The following ORC4 variants were observed in gnomAD, a reference collection of about 807,000 sequenced individuals.
ORC4 encodes the protein origin recognition complex subunit 4, also known as origin recognition complex, subunit 4 homolog.
A neutral mutation model predicts 63.9 loss-of-function variants in ORC4; 55 were observed. That is an observed-to-expected ratio of 0.86 (90% CI 0.69 to 1.08). ORC4 has a LOEUF of 1.08. Ranked by LOEUF, ORC4 falls within the 50% of genes least tolerant of loss-of-function variation. ORC4 has a pLI of 0.00. For missense variants in ORC4, 511 were observed against 504.4 expected (o/e 1.01, Z -0.13); for synonymous variants, 150 against 168.5 (o/e 0.89, Z 0.85).
intron 4 of ORC4, among the ~76,000 whole-genome samples, chr2:147,965,282 T>C (rs1689835594): frequency 6.6e-6 from 1 of 152,014 alleles, no homozygotes; most frequent in Non-Finnish European, 1.5e-5. Flanking sequence ...GGGTAAGTCC[T>C]CACTTATCAA....
At chr2:147,952,675 G>A (rs1379744292) in intron 7 of ORC4, 151 bp from the exon 8 acceptor site, 7 of 652,638 alleles carry the variant, frequency 1.1e-5, no homozygotes, top group Admixed American at 2.7e-5. Flanking sequence ...ATGCATATAC[G>A]TTCATTCAAC....
chr2:147,945,638 T>A (rs2105279001), intron 9 of ORC4, among the ~76,000 whole-genome samples: 1 of 152,218 alleles, frequency 6.6e-6, no homozygotes, highest in East Asian at 1.9e-4. Context: ...ATTTGACTCA[T>A]TTGAAGTAGG....
At chr2:148,021,404 A>AGAG, upstream of ORC4, 2 of 495,506 alleles carry the variant, frequency 4.0e-6, no homozygotes, top group South Asian at 3.2e-5. Context: ...TTTGGCCGTG[A>AGAG]GAGGAGGAGA....
At chr2:147,975,768 T>C (rs1690515763) in intron 2 of ORC4, 134 bp downstream of exon 2, 1 of 698,128 alleles carries the variant, frequency 1.4e-6, no homozygotes, top group Non-Finnish European at 2.6e-6. Flanking sequence ...GGTCTCGTAC[T>C]GATATCTCCC....
At chr2:147,939,017 A>T in intron 11 of ORC4, 123 bp downstream of exon 11, 1 of 686,340 alleles carries the variant, frequency 1.5e-6, no homozygotes. Flanking sequence ...GTTAAAGGCT[A>T]TATGGATACG....
chr2:147,969,421 A>G (rs1215465178), intron 4 of ORC4, among the ~76,000 whole-genome samples: 3 of 152,106 alleles, frequency 2.0e-5, no homozygotes, highest in Non-Finnish European at 2.9e-5. Context: ...ATTATGAGTC[A>G]ATTTAAAAAT....
intron 8 of ORC4, among the ~76,000 whole-genome samples, chr2:147,952,038 A>T (rs1688984443): frequency 6.6e-6 from 1 of 152,218 alleles, no homozygotes; most frequent in African/African-American, 2.4e-5. Flanking sequence ...AAAAAATCTT[A>T]AAATAAAAAC....
chr2:148,014,754 A>G (rs1298282014), intron 1 of ORC4, among the ~76,000 whole-genome samples: 5 of 152,172 alleles, frequency 3.3e-5, no homozygotes, highest in African/African-American at 4.8e-5. Flanking sequence ...TAGCATCTAC[A>G]TTGTATTAGG....
chr2:147,957,432 T>C (rs1452414827), intron 6 of ORC4, among the ~76,000 whole-genome samples: 1 of 151,844 alleles, frequency 6.6e-6, no homozygotes, highest in East Asian at 1.9e-4. Context: ...AGTTGGAATG[T>C]GTATAATCCA....
rs73003483 is a variant in ORC4 at position 147,970,194 on chromosome 2, A to G, written c.225+2545T>C. ...TATTAAGAAAACTACAAAAACTGAC[A>G]AAAGTCTTAAATAAATAGATACTCC... is the stretch of plus-strand genomic sequence containing the variant. On this transcript the variant is annotated intron_variant, in intron 4 of 13. Coordinates refer to ENST00000392857, the MANE Select transcript of ORC4 (RefSeq NM_181741.4). Among the ~76,000 whole-genome samples the G allele has an allele frequency of 2.6e-3, 395 of 151,330 alleles. 1 individual carries two copies. The highest frequency in any genetic ancestry group is 8.9e-3 in the African/African-American group (370 of 41,514).
intron 4 of ORC4, among the ~76,000 whole-genome samples, chr2:147,967,292 C>A (rs979436618): frequency 6.6e-6 from 1 of 152,008 alleles, no homozygotes. Context: ...GATGTTCACT[C>A]TCCCCATTCT....
intron 4 of ORC4, among the ~76,000 whole-genome samples, chr2:147,967,415 C>CA (rs946268527): frequency 2.0e-5 from 3 of 151,284 alleles, no homozygotes; most frequent in Non-Finnish European, 4.4e-5. Context: ...GAGACTCTAC[C>CA]AAAAAACTCT....
At position 147,965,840 on chromosome 2, in the gene ORC4, A is replaced by AT. The variant is rs1553454839; in HGVS notation, c.225+6898dup. ...TAGGACACAACAGAAGTCTTAAAACATTTTTTTAAAAAAAGCAAAATCCTA... is the reference window on the plus strand; with the variant it reads ...TAGGACACAACAGAAGTCTTAAAACATTTTTTTTAAAAAAAGCAAAATCCTA... On this transcript the variant is annotated intron_variant, in intron 4 of 13. Coordinates refer to ENST00000392857, the MANE Select transcript of ORC4 (RefSeq NM_181741.4). Among the ~76,000 whole-genome samples, 3 of 152,240 alleles carry AT rather than the reference A, an allele frequency of 2.0e-5. No homozygotes were observed. In the South Asian group the frequency reaches 6.2e-4, roughly 32 times the overall value.
At chr2:147,955,004 T>A (rs909272849) in intron 7 of ORC4, among the ~76,000 whole-genome samples, 4 of 151,904 alleles carry the variant, frequency 2.6e-5, no homozygotes, top group Non-Finnish European at 5.9e-5. Context: ...GATTAATAAA[T>A]AGCACCTTAT....
intron 1 of ORC4, among the ~76,000 whole-genome samples, chr2:147,985,052 C>T (rs1324626773): frequency 1.3e-5 from 2 of 152,120 alleles, no homozygotes; most frequent in Admixed American, 6.6e-5. Context: ...GTACTTATAA[C>T]TCTTCTTTCT....
intron 4 of ORC4, among the ~76,000 whole-genome samples, chr2:147,970,045 A>C (rs1690122461): frequency 6.6e-6 from 1 of 152,184 alleles, no homozygotes; most frequent in South Asian, 2.1e-4. Flanking sequence ...AGAAAAGCCA[A>C]GTGTTTAGCT....
At chr2:147,938,546 T>C (rs1343442249) in intron 11 of ORC4, 153 bp from the exon 12 acceptor site, 4 of 608,524 alleles carry the variant, frequency 6.6e-6, no homozygotes, top group Admixed American at 6.0e-5. Flanking sequence ...CAATTATCTA[T>C]ATAAATTTAA....
rs1373900257 is a variant in ORC4, at chr2:147,931,481, A to G, written c.*4029T>C. 6.6e-6 allele frequency: 1 copy of G among 152,050 alleles called. No homozygotes were observed. The highest frequency in any genetic ancestry group is 1.9e-4 in the East Asian group (1 of 5,186). 9.4% of individuals were successfully genotyped at this position (152,050 alleles called of 1,614,324 possible). On this transcript the variant is annotated 3_prime_UTR_variant, in exon 14 of 14. Transcript: ENST00000392857. The stretch of plus-strand genomic sequence containing the variant: ...AGTTTACAGTCCCACCAACAGTGTG[A>G]AAGTGTTCCTATTTCTCCACATCCT...
intron 5 of ORC4, 73 bp downstream of exon 5, chr2:147,958,718 T>C: frequency 2.6e-6 from 2 of 772,748 alleles, no homozygotes; most frequent in Non-Finnish European, 2.3e-6. Flanking sequence ...AAAATGGATT[T>C]GAAATATACA....
Sources: gnomAD v4.1 joint callset for allele counts (sites outside exome capture counted in the v4.1 genomes callset) on GRCh38, gnomAD v4.1.1 for gene constraint, MANE v1.5 for transcripts, NCBI Gene and HGNC (gene_info 2026-07-23, HGNC 2026-07-21) for gene names.